Variants in ABCA3 observed in about 807,000 individuals in gnomAD.
ABCA3 encodes the protein phospholipid-transporting ATPase ABCA3.
ABCA3 carries 88 observed loss-of-function variants against 172.8 expected under a neutral mutation model. The observed-to-expected ratio is 0.51, with a 90% confidence interval of 0.43 to 0.61. ABCA3 has a LOEUF of 0.61. ABCA3 is among the 20% of genes least tolerant of loss of function. ABCA3 has a pLI of 0.00. For synonymous variants in ABCA3, 1,066 were observed against 983.8 expected (o/e 1.08, Z -1.56); for missense variants, 2,164 against 2,301.0 (o/e 0.94, Z 1.22).
Position 2,288,061 on chromosome 16 carries a change from A to G in ABCA3, c.2969T>C (p.Leu990Pro), listed in dbSNP as rs1241770624. 6.2e-7 allele frequency: 1 copy of G among 1,612,054 alleles called. No individual in the cohort carries two copies. Among genetic ancestry groups the G allele is most frequent in the South Asian group, 1.1e-5 (1 of 91,082 alleles). Residue 990 changes from leucine to proline, a missense_variant, in exon 21 of 33, where the codon CTG becomes CCG. By Grantham distance (98) the Leu-to-Pro change is moderately conservative (BLOSUM62 -3). Coordinates refer to ENST00000301732, the MANE Select transcript of ABCA3 (RefSeq NM_001089.3). ...GCGGGGCTCCTGTCCCTCAGCCTGC[A>G]GTGCGTCTTTCAGATGCTCTGACAG... The part of the protein sequence containing the change: ...QQLSEHLKDA[L>P]QAEGQEPREV...
Position 2,279,228 on chromosome 16 carries a change from G to A in ABCA3, c.4360-98C>T, listed in dbSNP as rs752321257. Reference sequence around the variant, plus strand: ...CTACCCTTGAGGTGCCCACCACTGCGCCTGTCTGTGGTTCCTGCCAGTGTG... The same window carrying A: ...CTACCCTTGAGGTGCCCACCACTGCACCTGTCTGTGGTTCCTGCCAGTGTG... On this transcript the variant is annotated intron_variant, in intron 28 of 32. Transcript: ENST00000301732. This position sits in a 1 kb window ranked among gnomAD's most constrained non-coding sequence, Gnocchi z 4.4. 23 of 1,386,992 alleles carry A rather than the reference G, an allele frequency of 1.7e-5. No individual in the cohort carries two copies. The highest frequency in any genetic ancestry group is 5.7e-5 in the Admixed American group (3 of 52,772). 85.9% of individuals were successfully genotyped at this position (1,386,992 alleles called of 1,614,324 possible).
rs1189759666 is a variant in ABCA3, at chr16:2,277,432, G to C, written c.4983+165C>G. On this transcript the variant is annotated intron_variant, in intron 32 of 32. Coordinates refer to ENST00000301732, the MANE Select transcript of ABCA3 (RefSeq NM_001089.3). This position sits in a 1 kb window ranked among gnomAD's most constrained non-coding sequence, Gnocchi z 5.3. ...AATTCCTTTTACCACTGATAATTTT[G>C]GATATAAAACCCCCAAACCAGCACG... Among the ~76,000 whole-genome samples, 2 of 152,078 alleles carry C rather than the reference G, an allele frequency of 1.3e-5. No individual in the cohort carries two copies. The highest frequency in any genetic ancestry group is 1.9e-4 in the East Asian group (1 of 5,188).
chr16:2,303,708 G>A (rs1467453642), intron 12 of ABCA3, among the ~76,000 whole-genome samples: 1 of 152,320 alleles, frequency 6.6e-6, no homozygotes. Context: ...AGAGGGGCCA[G>A]AGCAGCCGGT....
At position 2,288,254 on chromosome 16, in the gene ABCA3, C is replaced by T; in HGVS notation, c.2776G>A (p.Val926Met). Reference sequence around the variant, plus strand: ...AGAGGCACCAGGACCTGTGCCGCCACCATTTTCCACTCGCGCCAGCTGTAT... The same window carrying T: ...AGAGGCACCAGGACCTGTGCCGCCATCATTTTCCACTCGCGCCAGCTGTAT... Reference protein sequence around the residue: ...AAYSWREWKMVAAQVLVPLTC... With the variant: ...AAYSWREWKMMAAQVLVPLTC... Residue 926 changes from valine to methionine, a missense_variant, in exon 21 of 33, where the codon GTG (valine) becomes ATG (methionine). By Grantham distance (21) the Val-to-Met change is conservative. Transcript: ENST00000301732. 2 of 1,592,176 alleles carry T rather than the reference C, an allele frequency of 1.3e-6. No individual in the cohort carries two copies. Among genetic ancestry groups the T allele is most frequent in the South Asian group, 2.3e-5 (2 of 88,106 alleles).
intron 5 of ABCA3, among the ~76,000 whole-genome samples, chr16:2,325,620 T>C (rs781733576): frequency 6.6e-5 from 10 of 152,216 alleles, no homozygotes; most frequent in Non-Finnish European, 1.2e-4. Context: ...ATGTATCTTA[T>C]TGGACTCTGT....
intron 28 of ABCA3, among the ~76,000 whole-genome samples, chr16:2,280,509 G>A (rs1299074182): frequency 6.6e-6 from 1 of 152,064 alleles, no homozygotes; most frequent in Non-Finnish European, 1.5e-5. Context: ...GTGAGCTCAG[G>A]AGAGGACTCC....
chr16:2,323,747 C>T, intron 6 of ABCA3, 59 bp from the exon 7 acceptor site: 1 of 1,606,014 alleles, frequency 6.2e-7, no homozygotes, highest in South Asian at 1.1e-5. Flanking sequence ...GGGCAAACAA[C>T]AGGGTGGAGT....
Position 2,288,043 on chromosome 16 carries a change from T to C in ABCA3, c.2987A>G (p.Glu996Gly), listed in dbSNP as rs1567339547. Residue 996 changes from glutamate to glycine, a missense_variant, in exon 21 of 33, where the codon GAG becomes GGG. Glu to Gly is a moderately conservative substitution (Grantham distance 98). Transcript: ENST00000301732. Reference sequence around the variant, plus strand: ...CCCCTTACCGAGCACCTCGCGGGGCTCCTGTCCCTCAGCCTGCAGTGCGTC... The same window carrying C: ...CCCCTTACCGAGCACCTCGCGGGGCCCCTGTCCCTCAGCCTGCAGTGCGTC... ...LKDALQAEGQEPREVLGDLEE... is the reference protein window; with the variant it reads ...LKDALQAEGQGPREVLGDLEE... 1 of 1,609,456 alleles carries C rather than the reference T, an allele frequency of 6.2e-7. No homozygotes were observed. The highest frequency in any genetic ancestry group is 8.5e-7 in the Non-Finnish European group (1 of 1,179,984).
Position 2,284,814 on chromosome 16 carries a change from G to A in ABCA3, c.3668C>T (p.Ala1223Val). The change falls in exon 24 of 33, where the codon GCC (alanine) becomes GTC (valine). Residue 1223 changes from alanine to valine, a missense_variant. Coordinates refer to ENST00000301732, the MANE Select transcript of ABCA3 (RefSeq NM_001089.3). The surrounding 1 kb of genome is among the most constrained non-coding windows in gnomAD (Gnocchi z 5.9). Reference protein sequence around the residue: ...LTIFNILSGIATFLMVTIMRI... With the variant: ...LTIFNILSGIVTFLMVTIMRI... ...CATGATGGTGACCATCAGGAAGGTG[G>A]CGATGCCTGACAGGATGTTGAAGAT... 5.6e-6 allele frequency: 9 copies of A among 1,613,934 alleles called. No individual in the cohort carries two copies. The highest frequency in any genetic ancestry group is 7.6e-6 in the Non-Finnish European group (9 of 1,179,972).
At chr16:2,329,170 A>G (rs1477600476) in intron 2 of ABCA3, among the ~76,000 whole-genome samples, 1 of 152,192 alleles carries the variant, frequency 6.6e-6, no homozygotes, top group Non-Finnish European at 1.5e-5. Context: ...TAAAGCTAAA[A>G]TAGTATGAAG....
At chr16:2,312,104 A>C (rs1181252344) in intron 10 of ABCA3, among the ~76,000 whole-genome samples, 3 of 152,246 alleles carry the variant, frequency 2.0e-5, no homozygotes, top group Non-Finnish European at 4.4e-5. Context: ...TAATGTTATC[A>C]CTGGCTCCAT....
chr16:2,325,533 C>G (rs1432172396), intron 5 of ABCA3, among the ~76,000 whole-genome samples: 1 of 152,146 alleles, frequency 6.6e-6, no homozygotes, highest in Non-Finnish European at 1.5e-5. Context: ...GGCCATCAGG[C>G]AAGCAAAAAC....
chr16:2,319,752 C>A lies in ABCA3; in HGVS notation c.702G>T (p.Leu234=), dbSNP rs985754100. The A allele has an allele frequency of 6.2e-7, 1 of 1,613,994 alleles. No homozygotes were observed. Among genetic ancestry groups the A allele is most frequent in the Non-Finnish European group, 8.5e-7 (1 of 1,180,022 alleles). Residue 234 remains leucine, a synonymous_variant, in exon 8 of 33, where the codon CTG becomes CTT. Transcript: ENST00000301732. ...EYHADAATRQ[L]FQRLTVTIKR... ...TGATGGTCACCGTCAGTCTCTGGAA[C>A]AGCTGGCGTGTGGCGGCATCGGCAT...
chr16:2,295,816 G>A, intron 17 of ABCA3, 76 bp from the exon 18 acceptor site: 1 of 1,598,238 alleles, frequency 6.3e-7, no homozygotes, highest in Non-Finnish European at 8.5e-7. Context: ...GGTCTCTAGG[G>A]CTCACACCAG....
In ABCA3 at chr16:2,295,673, G is replaced by A. The variant is rs1209913598; in HGVS notation, c.2331C>T (p.Val777=). Residue 777 remains valine, a synonymous_variant, in exon 18 of 33, where the codon GTC becomes GTT. Transcript: ENST00000301732. ...GCGTGGCGTTGGGCACGTGGTGGTG[G>A]ACCAGCTGGGAGATGTCTTCCGGGT... is the stretch of plus-strand genomic sequence containing the variant. The part of the protein sequence containing the change: ...HCNPEDISQL[V]HHHVPNATLE... 6.2e-7 allele frequency: 1 copy of A among 1,614,074 alleles called. No homozygotes were observed. The highest frequency in any genetic ancestry group is 1.7e-5 in the Admixed American group (1 of 60,034).
At chr16:2,296,235 CTT>C (rs547930176) in intron 17 of ABCA3, among the ~76,000 whole-genome samples, 33 of 144,008 alleles carry the variant, frequency 2.3e-4, no homozygotes, top group Non-Finnish European at 2.1e-4. Flanking sequence ...ATTCCATGTC[CTT>C]TTTTTTTTTT....
rs757567333 is a variant in ABCA3, at chr16:2,297,875, A to G, written c.1943T>C (p.Met648Thr). 7.4e-6 allele frequency: 12 copies of G among 1,613,856 alleles called. No individual in the cohort carries two copies. The highest frequency in any genetic ancestry group is 3.3e-4 in the Middle Eastern group (2 of 6,056). The change falls in exon 16 of 33, where the codon ATG becomes ACG. Residue 648 changes from methionine to threonine, a missense_variant. Physicochemically the swap from Met to Thr is moderately conservative, Grantham distance 81. This residue lies in a region of ABCA3 where 1,343 missense variants were observed against 1,369.6 expected (regional missense o/e 0.98). Coordinates refer to ENST00000301732, the MANE Select transcript of ABCA3 (RefSeq NM_001089.3). The surrounding 1 kb of genome is among the most constrained non-coding windows in gnomAD (Gnocchi z 5.6). ...GTCCTCCAGGCCGATGATGTGCAGC[A>G]TCTGCTTGACTTCTTCAGGGCACTT... ...RQKCPEEVKQMLHIIGLEDKW... is the reference protein window; with the variant it reads ...RQKCPEEVKQTLHIIGLEDKW...
Position 2,288,072 on chromosome 16 carries a change from C to G in ABCA3, c.2958G>C (p.Leu986=). Residue 986 remains leucine (L), a synonymous_variant, in exon 21 of 33, where the codon CTG becomes CTC. Coordinates refer to ENST00000301732, the MANE Select transcript of ABCA3 (RefSeq NM_001089.3). Reference sequence around the variant, plus strand: ...GTCCCTCAGCCTGCAGTGCGTCTTTCAGATGCTCTGACAGCTGCTGACCCA... The same window carrying G: ...GTCCCTCAGCCTGCAGTGCGTCTTTGAGATGCTCTGACAGCTGCTGACCCA... ...SQLGQQLSEH[L]KDALQAEGQE... The G allele has an allele frequency of 6.2e-7, 1 of 1,612,916 alleles. No homozygotes were observed. The highest frequency in any genetic ancestry group is 8.5e-7 in the Non-Finnish European group (1 of 1,180,012).
At chr16:2,338,317 C>T (rs778874382) in intron 1 of ABCA3, among the ~76,000 whole-genome samples, 7 of 152,210 alleles carry the variant, frequency 4.6e-5, no homozygotes, top group Non-Finnish European at 8.8e-5. Flanking sequence ...AAGATGTGGG[C>T]CTTCAGTGTT....
Sources: gnomAD v4.1 joint callset for allele counts (sites outside exome capture counted in the v4.1 genomes callset) on GRCh38, gnomAD v4.1.1 for gene constraint, gnomAD v4.1.1 regional missense constraint, Gnocchi (gnomAD v3.1) non-coding constraint, MANE v1.5 for transcripts, NCBI Gene and HGNC (gene_info 2026-07-23, HGNC 2026-07-21) for gene names.